Variants in ARL15 observed in about 807,000 individuals in gnomAD.
The protein encoded by ARL15 is ARF like GTPase 15.
In ARL15, 19 loss-of-function variants were observed where a neutral mutation model predicts 25.2. That is an observed-to-expected ratio of 0.75 (90% CI 0.53 to 1.10). The LOEUF (loss-of-function observed/expected upper bound fraction) is 1.10, where lower values mean the gene tolerates loss of function less well. Among genes scored for constraint, ARL15 ranks in the 50% least tolerant of loss-of-function variants. ARL15 has a pLI of 0.00. For missense variants in ARL15, 220 were observed against 246.0 expected, an observed-to-expected ratio of 0.89 and a Z score of 0.71; for synonymous variants, 94 against 86.8, an observed-to-expected ratio of 1.08 and a Z score of -0.46.
chr5:53,952,359 T>A (rs1747004802), intron 4 of ARL15, among the ~76,000 whole-genome samples: 1 of 152,230 alleles, frequency 6.6e-6, no homozygotes, highest in Non-Finnish European at 1.5e-5. Flanking sequence ...TTTAGTTTCT[T>A]ATGTTAAACT....
chr5:54,093,699 A>AG (rs1455171009), intron 4 of ARL15, among the ~76,000 whole-genome samples: 9 of 151,612 alleles, frequency 5.9e-5, no homozygotes, highest in Admixed American at 2.0e-4. Context: ...GTTAAAAAAA[A>AG]AAAAAAGAAA....
At chr5:54,287,288 A>G (rs1228704897) in intron 1 of ARL15, among the ~76,000 whole-genome samples, 2 of 152,066 alleles carry the variant, frequency 1.3e-5, no homozygotes, top group East Asian at 1.9e-4. Flanking sequence ...GAAAGCGGTA[A>G]TTAAACATAC....
At chr5:54,275,730 A>C (rs1000771438) in intron 1 of ARL15, among the ~76,000 whole-genome samples, 1 of 151,372 alleles carries the variant, frequency 6.6e-6, no homozygotes, top group Non-Finnish European at 1.5e-5. Flanking sequence ...TGTCACCCAG[A>C]CTGGAGTGCA....
intron 3 of ARL15, among the ~76,000 whole-genome samples, chr5:54,114,864 G>C (rs1421237125): frequency 6.6e-6 from 1 of 152,136 alleles, no homozygotes; most frequent in Non-Finnish European, 1.5e-5. Flanking sequence ...AGATTTCAAG[G>C]AATTTCACCA....
intron 4 of ARL15, among the ~76,000 whole-genome samples, chr5:53,902,438 A>G (rs1256612178): frequency 2.0e-5 from 3 of 152,244 alleles, no homozygotes; most frequent in Non-Finnish European, 4.4e-5. Flanking sequence ...AATATCTTTT[A>G]AAAACAGTTT....
At chr5:53,959,569 C>T (rs549569392) in intron 4 of ARL15, among the ~76,000 whole-genome samples, 2 of 152,204 alleles carry the variant, frequency 1.3e-5, no homozygotes, top group African/African-American at 4.8e-5. Flanking sequence ...TGGAGGATTG[C>T]TTTTGCTAGG....
chr5:54,169,565 T>A (rs1322245853), intron 2 of ARL15, among the ~76,000 whole-genome samples: 1 of 152,224 alleles, frequency 6.6e-6, no homozygotes, highest in Non-Finnish European at 1.5e-5. Flanking sequence ...GTTATAAGGC[T>A]AACAGAAGAC....
chr5:53,983,820 A>G (rs1391794959), intron 4 of ARL15, among the ~76,000 whole-genome samples: 2 of 152,204 alleles, frequency 1.3e-5, no homozygotes, highest in Non-Finnish European at 2.9e-5. Context: ...ATGATTCCCA[A>G]CAATAAAACT....
chr5:54,269,431 T>C (rs1186505690), intron 1 of ARL15, among the ~76,000 whole-genome samples: 1 of 152,138 alleles, frequency 6.6e-6, no homozygotes, highest in Non-Finnish European at 1.5e-5. Flanking sequence ...ACATTTTACA[T>C]TTCCTGTGGC....
intron 2 of ARL15, among the ~76,000 whole-genome samples, chr5:54,167,433 A>G (rs1302136015): frequency 6.6e-6 from 1 of 152,194 alleles, no homozygotes; most frequent in Non-Finnish European, 1.5e-5. Flanking sequence ...AGCTGGGACA[A>G]TCACAGAGCA....
At chr5:54,179,539 G>A (rs540291049) in intron 1 of ARL15, among the ~76,000 whole-genome samples, 3 of 152,220 alleles carry the variant, frequency 2.0e-5, no homozygotes, top group East Asian at 3.9e-4. Context: ...AGAGAAGTTG[G>A]GTGAGAAATA....
intron 1 of ARL15, among the ~76,000 whole-genome samples, chr5:54,216,665 C>T (rs898162110): frequency 4.6e-5 from 7 of 151,854 alleles, no homozygotes; most frequent in African/African-American, 1.5e-4. Flanking sequence ...CTAATTAAAT[C>T]CCCAAAATGT....
At chr5:54,099,199 GA>G (rs1269559796) in intron 4 of ARL15, among the ~76,000 whole-genome samples, 2 of 151,820 alleles carry the variant, frequency 1.3e-5, no homozygotes, top group Non-Finnish European at 2.9e-5. Context: ...TGTACTTTTT[GA>G]AAAAATAACA....
At chr5:53,950,908 G>A (rs1746925119) in intron 4 of ARL15, among the ~76,000 whole-genome samples, 1 of 152,218 alleles carries the variant, frequency 6.6e-6, no homozygotes, top group Admixed American at 6.5e-5. Flanking sequence ...AGAAATAACA[G>A]CATCTGTTCC....
chr5:54,227,272 GACAGGATCCCTAC>G (rs998221619), intron 1 of ARL15, among the ~76,000 whole-genome samples: 1 of 152,142 alleles, frequency 6.6e-6, no homozygotes, highest in Non-Finnish European at 1.5e-5. Context: ...GAGGCCTGAT[GACAGGATCCCTAC>G]ACAGCTTGCT....
chr5:54,272,107 C>CTTTTTTTTTTT (rs34592464), intron 1 of ARL15, among the ~76,000 whole-genome samples: 4 of 36,790 alleles, frequency 1.1e-4, no homozygotes, highest in Non-Finnish European at 2.2e-4. Flanking sequence ...CCACTCCTGG[C>CTTTTTTTTTTT]TTTTTTTTTT....
At chr5:54,306,825 A>G (rs1355844526) in intron 1 of ARL15, among the ~76,000 whole-genome samples, 1 of 152,228 alleles carries the variant, frequency 6.6e-6, no homozygotes, top group African/African-American at 2.4e-5. Context: ...TTGATGGCGC[A>G]GAGGGAAAAA....
At chr5:54,197,812 C>T (rs1412625505) in intron 1 of ARL15, among the ~76,000 whole-genome samples, 2 of 152,098 alleles carry the variant, frequency 1.3e-5, no homozygotes, top group Non-Finnish European at 2.9e-5. Flanking sequence ...CAGCATCATC[C>T]TGATACCAAA....
intron 4 of ARL15, among the ~76,000 whole-genome samples, chr5:54,101,585 GT>G: frequency 6.6e-6 from 1 of 152,024 alleles, no homozygotes; most frequent in African/African-American, 2.4e-5. Flanking sequence ...GCTTAAAACT[GT>G]ATTAGTTTAA....
Sources: gnomAD v4.1 joint callset for allele counts (sites outside exome capture counted in the v4.1 genomes callset) on GRCh38, gnomAD v4.1.1 for gene constraint, MANE v1.5 for transcripts, NCBI Gene and HGNC (gene_info 2026-07-23, HGNC 2026-07-21) for gene names.